Variants in VWDE observed in about 807,000 individuals in gnomAD.
VWDE encodes von Willebrand factor D and EGF domains.
In VWDE, 207 loss-of-function variants were observed where a neutral mutation model predicts 178.4. The ratio of observed to expected loss-of-function variants is 1.16; its 90% CI spans 1.04 to 1.30. VWDE has a LOEUF of 1.30. Ranked by LOEUF, VWDE falls within the 50% of genes most tolerant of loss-of-function variation. VWDE has a pLI of 0.00. For synonymous variants in VWDE, 738 were observed against 651.4 expected (o/e 1.13, Z -2.02); for missense variants, 2,287 against 1,901.3 (o/e 1.20, Z -3.77).
At chr7:12,389,627 C>T (rs1362272229) in intron 2 of VWDE, among the ~76,000 whole-genome samples, 1 of 152,038 alleles carries the variant, frequency 6.6e-6, no homozygotes, top group African/African-American at 2.4e-5. Flanking sequence ...GTATTGTAAA[C>T]AAGGGAAATT....
intron 3 of VWDE, among the ~76,000 whole-genome samples, chr7:12,385,717 G>A (rs1196344983): frequency 1.3e-5 from 2 of 152,190 alleles, no homozygotes; most frequent in Non-Finnish European, 2.9e-5. Context: ...TCTAATTTAA[G>A]TTCTAAACGG....
chr7:12,355,854 G>A (rs1338883381), intron 18 of VWDE, among the ~76,000 whole-genome samples: 1 of 152,006 alleles, frequency 6.6e-6, no homozygotes, highest in Non-Finnish European at 1.5e-5. Context: ...ATACAGGTAG[G>A]AATGTTTAGG....
intron 19 of VWDE, among the ~76,000 whole-genome samples, chr7:12,344,816 T>A (rs1234441827): frequency 1.3e-5 from 2 of 152,180 alleles, no homozygotes; most frequent in African/African-American, 2.4e-5. Flanking sequence ...TAACTTGCTG[T>A]AATCTCGAAA....
At chr7:12,368,111 T>C (rs569474944) in intron 12 of VWDE, among the ~76,000 whole-genome samples, 2 of 151,838 alleles carry the variant, frequency 1.3e-5, no homozygotes, top group Admixed American at 6.6e-5. Context: ...CAGTCCATAC[T>C]TTCACAAATT....
chr7:12,335,503 C>T (rs1042165547), intron 27 of VWDE, among the ~76,000 whole-genome samples: 6 of 151,816 alleles, frequency 4.0e-5, no homozygotes, highest in East Asian at 1.9e-4. Context: ...TCGCCCAGGC[C>T]GGAGTGCAGT....
chr7:12,333,701 A>G lies in VWDE; in HGVS notation c.4655-133T>C, dbSNP rs73290478. On this transcript the variant is annotated intron_variant, in intron 27 of 28. Transcript: ENST00000275358. ...ATAAGAATCTATTAATGAACCATCA[A>G]TGAATGGATCTAATCTATGTACTCT... 3,915 of 631,494 alleles carry G rather than the reference A, an allele frequency of 6.2e-3. 113 individuals are homozygous for G. In the African/African-American group the frequency reaches 0.064, roughly 10 times the overall value. 39.1% of individuals were successfully genotyped at this position (631,494 alleles called of 1,614,324 possible).
At chr7:12,400,759 T>TAA (rs1784858966) in intron 1 of VWDE, among the ~76,000 whole-genome samples, 1 of 151,990 alleles carries the variant, frequency 6.6e-6, no homozygotes, top group Non-Finnish European at 1.5e-5. Flanking sequence ...GAAATATATA[T>TAA]AACAAGAAAA....
intron 13 of VWDE, among the ~76,000 whole-genome samples, chr7:12,365,771 CTG>C (rs886584370): frequency 6.6e-6 from 1 of 152,106 alleles, no homozygotes; most frequent in Non-Finnish European, 1.5e-5. Flanking sequence ...CTGGGCAAGA[CTG>C]GCGCTAGGAG....
chr7:12,376,243 G>C (rs1387587363), intron 7 of VWDE, among the ~76,000 whole-genome samples: 1 of 151,974 alleles, frequency 6.6e-6, no homozygotes, highest in African/African-American at 2.4e-5. Context: ...ATACATGAGG[G>C]GTTGTTCTCT....
chr7:12,360,149 A>G (rs1782496622), intron 15 of VWDE, among the ~76,000 whole-genome samples: 1 of 152,190 alleles, frequency 6.6e-6, no homozygotes, highest in South Asian at 2.1e-4. Context: ...TCTTTGGCAT[A>G]ATTATATCCA....
chr7:12,374,367 T>C (rs1175490965), intron 9 of VWDE, among the ~76,000 whole-genome samples: 1 of 152,046 alleles, frequency 6.6e-6, no homozygotes, highest in Admixed American at 6.6e-5. Flanking sequence ...CATATGGAAA[T>C]GCTATAAACA....
intron 3 of VWDE, among the ~76,000 whole-genome samples, chr7:12,385,288 C>T (rs1784045754): frequency 6.6e-6 from 1 of 152,044 alleles, no homozygotes; most frequent in African/African-American, 2.4e-5. Flanking sequence ...ATTATGACTC[C>T]TAGCTAGATA....
At chr7:12,344,061 A>G (rs1044892809) in intron 21 of VWDE, 134 bp downstream of exon 21, 3 of 510,714 alleles carry the variant, frequency 5.9e-6, no homozygotes. Context: ...TTTAAAATGT[A>G]GAGTCCTATA....
intron 7 of VWDE, among the ~76,000 whole-genome samples, chr7:12,375,647 G>A (rs1174473313): frequency 6.6e-6 from 1 of 151,946 alleles, no homozygotes; most frequent in Non-Finnish European, 1.5e-5. Context: ...CTTAGCATAT[G>A]TGTTCATGTT....
chr7:12,344,404 G>T lies in VWDE; in HGVS notation c.3952C>A (p.Pro1318Thr). Residue 1318 changes from proline to threonine, a missense_variant, in exon 20 of 29, where the codon CCT (proline) becomes ACT (threonine). Transcript: ENST00000275358. ...CVAPNICKCK[P>T]GYIGSNCQTA... Reference sequence around the variant, plus strand: ...TGGCAGTTAGAACCAATGTAACCAGGTTTACATTTGCAGATGTTTGGGGCA... The same window carrying T: ...TGGCAGTTAGAACCAATGTAACCAGTTTTACATTTGCAGATGTTTGGGGCA... The T allele has an allele frequency of 6.4e-7, 1 of 1,550,718 alleles. No homozygotes were observed. Among genetic ancestry groups the T allele is most frequent in the Non-Finnish European group, 8.7e-7 (1 of 1,146,524 alleles).
intron 7 of VWDE, among the ~76,000 whole-genome samples, chr7:12,376,275 T>C (rs946051617): frequency 6.6e-6 from 1 of 151,878 alleles, no homozygotes; most frequent in Non-Finnish European, 1.5e-5. Flanking sequence ...AATAGCAGCA[T>C]AGTCTGTTTA....
chr7:12,388,534 C>A (rs1162284282), intron 3 of VWDE, among the ~76,000 whole-genome samples: 5 of 152,086 alleles, frequency 3.3e-5, no homozygotes, highest in Non-Finnish European at 7.4e-5. Flanking sequence ...CGTTTCCTTG[C>A]CTCTATTTAA....
At chr7:12,336,497 T>C (rs1332928778) in intron 26 of VWDE, among the ~76,000 whole-genome samples, 1 of 152,228 alleles carries the variant, frequency 6.6e-6, no homozygotes, top group Non-Finnish European at 1.5e-5. Flanking sequence ...ACATCTATGT[T>C]GCTTCTCATT....
rs111360316 is a variant in VWDE at position 12,351,517 on chromosome 7, G to C, written c.3886+56C>G. ...GAGGAATAAATATGTTGGTCTTCTA[G>C]AAAACAAGTAAGAGGAATTACTTGT... On this transcript the variant is annotated intron_variant, in intron 19 of 28. Coordinates refer to ENST00000275358, the MANE Select transcript of VWDE (RefSeq NM_001135924.3). 3.7e-3 allele frequency: 5,521 copies of C among 1,475,946 alleles called. 163 individuals are homozygous for C. In the African/African-American group the frequency reaches 0.067, roughly 18 times the overall value. 91.4% of individuals were successfully genotyped at this position (1,475,946 alleles called of 1,614,324 possible).
Sources: gnomAD v4.1 joint callset for allele counts (sites outside exome capture counted in the v4.1 genomes callset) on GRCh38, gnomAD v4.1.1 for gene constraint, MANE v1.5 for transcripts, NCBI Gene and HGNC (gene_info 2026-07-23, HGNC 2026-07-21) for gene names.